The following MDGA2 variants were observed in gnomAD, a reference collection of about 807,000 sequenced individuals.
MDGA2 encodes the protein MAM domain-containing glycosylphosphatidylinositol anchor protein 2.
Under a neutral mutation model 117.8 loss-of-function variants are expected in MDGA2, and 40 were observed. That is an observed-to-expected ratio of 0.34 (90% confidence interval 0.26 to 0.44). MDGA2 has a LOEUF of 0.44. Among genes scored for constraint, MDGA2 ranks in the 20% least tolerant of loss-of-function variants. The probability of loss-of-function intolerance (pLI) is 1.00; values close to 1 mark genes in which losing one functional copy is unlikely to be tolerated. For missense variants in MDGA2, 1,123 were observed against 1,250.6 expected (o/e 0.90, Z 1.54); for synonymous variants, 452 against 439.0 (o/e 1.03, Z -0.37).
At chr14:47,516,485 A>C (rs1172670076) in intron 1 of MDGA2, among the ~76,000 whole-genome samples, 1 of 152,206 alleles carries the variant, frequency 6.6e-6, no homozygotes, top group Non-Finnish European at 1.5e-5. Context: ...TGATTAATAG[A>C]CTTGAATATA....
intron 1 of MDGA2, among the ~76,000 whole-genome samples, chr14:47,659,826 G>A (rs1419923190): frequency 6.6e-6 from 1 of 152,170 alleles, no homozygotes; most frequent in Non-Finnish European, 1.5e-5. Flanking sequence ...AAACTCTTAT[G>A]AACTTGGATT....
At chr14:47,265,550 TGAAGTTCATGGA>T (rs1415434200) in intron 2 of MDGA2, among the ~76,000 whole-genome samples, 1 of 152,060 alleles carries the variant, frequency 6.6e-6, no homozygotes, top group Non-Finnish European at 1.5e-5. Flanking sequence ...TTATTTGCTT[TGAAGTTCATGGA>T]GAAGACCCTA....
At position 47,514,401 on chromosome 14, in the gene MDGA2, C is replaced by T. The variant is rs78489330; in HGVS notation, c.280+160116G>A. Among the ~76,000 whole-genome samples the T allele has an allele frequency of 4.6e-3, 696 of 152,150 alleles. 5 individuals carry two copies. The highest frequency in any genetic ancestry group is 0.016 in the African/African-American group (647 of 41,534). ...AAGCCACTCTAGACTAAAATTAACT[C>T]CTGGAATTCTGCCCTTTGAGTTTTC... is the stretch of plus-strand genomic sequence containing the variant. On this transcript the variant is annotated intron_variant, in intron 1 of 16. Transcript: ENST00000399232.
At chr14:47,337,800 A>C (rs1360839936) in intron 1 of MDGA2, among the ~76,000 whole-genome samples, 1 of 152,072 alleles carries the variant, frequency 6.6e-6, no homozygotes, top group Admixed American at 6.6e-5. Flanking sequence ...ATATCACATG[A>C]CCAGACTGTG....
At chr14:47,123,950 A>AATGT (rs1881776176) in intron 5 of MDGA2, among the ~76,000 whole-genome samples, 1 of 152,110 alleles carries the variant, frequency 6.6e-6, no homozygotes, top group South Asian at 2.1e-4. Flanking sequence ...TTTAAACCTT[A>AATGT]TACTTTTGAA....
rs143598955 is a variant in MDGA2 at position 47,206,451 on chromosome 14, C to T, written c.595+11570G>A. ...ACAGAAAGAAAAAAAAATAGCCTGGCATGTTGGCACCTGCCTGTAGTCCCA... is the reference window on the plus strand; with the variant it reads ...ACAGAAAGAAAAAAAAATAGCCTGGTATGTTGGCACCTGCCTGTAGTCCCA... On this transcript the variant is annotated intron_variant, in intron 3 of 16. Transcript: ENST00000399232. Among the ~76,000 whole-genome samples the T allele has an allele frequency of 7.3e-3, 1,112 of 151,704 alleles. 16 individuals are homozygous for T. The highest frequency in any genetic ancestry group is 0.026 in the African/African-American group (1,066 of 41,406).
rs531317366 is a variant in MDGA2 at position 47,583,098 on chromosome 14, G to T, written c.280+91419C>A. Among the ~76,000 whole-genome samples, 7 of 152,006 alleles carry T rather than the reference G, an allele frequency of 4.6e-5. No homozygotes were observed. The South Asian group carries it at 1.2e-3, about 27-fold the overall frequency. On this transcript the variant is annotated intron_variant, in intron 1 of 16. Transcript: ENST00000399232. ...TTTTACTGGGAACACATAATGTATGGTTTTTGACACTGGAGAGAGATAAGT... is the reference window on the plus strand; with the variant it reads ...TTTTACTGGGAACACATAATGTATGTTTTTTGACACTGGAGAGAGATAAGT...
intron 1 of MDGA2, among the ~76,000 whole-genome samples, chr14:47,611,194 T>C (rs140705143): frequency 1.6e-3 from 250 of 152,276 alleles, no homozygotes; most frequent in African/African-American, 5.7e-3. Context: ...TCTCACCTTA[T>C]ATAAAAATCA....
Position 47,033,135 on chromosome 14 carries a change from T to C in MDGA2, c.1819+1876A>G, listed in dbSNP as rs115029669. ...GTTTATTGTCATTCCTATTATAGAG[T>C]TGAATTTTAAAATCTTATGCTGAAT... On this transcript the variant is annotated intron_variant, in intron 8 of 16. Coordinates refer to ENST00000399232, the MANE Select transcript of MDGA2 (RefSeq NM_001113498.3). Among the ~76,000 whole-genome samples the C allele has an allele frequency of 2.0e-3, 311 of 152,338 alleles. 1 individual carries two copies. The highest frequency in any genetic ancestry group is 9.8e-3 in the East Asian group (51 of 5,190).
chr14:47,573,454 A>T (rs2138825651), intron 1 of MDGA2, among the ~76,000 whole-genome samples: 1 of 152,330 alleles, frequency 6.6e-6, no homozygotes, highest in East Asian at 1.9e-4. Context: ...TTGCCATATC[A>T]CTAGACAGCA....
intron 1 of MDGA2, chr14:47,343,046 T>G: frequency 7.8e-7 from 1 of 1,282,516 alleles, no homozygotes; most frequent in Non-Finnish European, 1.0e-6. Context: ...AGCACTACCG[T>G]GAGTCCTGCG....
intron 1 of MDGA2, among the ~76,000 whole-genome samples, chr14:47,458,094 A>C (rs60733487): frequency 1.3e-3 from 191 of 151,624 alleles, no homozygotes; most frequent in African/African-American, 4.4e-3. Context: ...GTCTTCTTTG[A>C]GAAAATGTCT....
chr14:47,597,288 A>C (rs932672633), intron 1 of MDGA2, among the ~76,000 whole-genome samples: 1 of 152,202 alleles, frequency 6.6e-6, no homozygotes, highest in Non-Finnish European at 1.5e-5. Context: ...TATATGAAGT[A>C]ATCTATCCAA....
intron 3 of MDGA2, among the ~76,000 whole-genome samples, chr14:47,145,827 TTAA>T (rs1202439420): frequency 6.6e-6 from 1 of 152,160 alleles, no homozygotes; most frequent in African/African-American, 2.4e-5. Context: ...ATTACTATTA[TTAA>T]TAATATTACT....
intron 1 of MDGA2, among the ~76,000 whole-genome samples, chr14:47,431,825 C>A (rs770265399): frequency 6.6e-6 from 1 of 151,990 alleles, no homozygotes; most frequent in South Asian, 2.1e-4. Flanking sequence ...GCAGTTCATG[C>A]TATACTTCAG....
At chr14:47,224,906 T>G (rs914496404) in intron 2 of MDGA2, among the ~76,000 whole-genome samples, 1 of 152,236 alleles carries the variant, frequency 6.6e-6, no homozygotes, top group African/African-American at 2.4e-5. Context: ...TTTGAATTAC[T>G]TATTAGAATA....
intron 8 of MDGA2, among the ~76,000 whole-genome samples, chr14:46,986,194 G>C (rs1474915800): frequency 6.6e-6 from 1 of 152,038 alleles, no homozygotes; most frequent in Non-Finnish European, 1.5e-5. Flanking sequence ...CAACATAACA[G>C]ATGGCACAAA....
At chr14:47,640,351 T>C (rs190424062) in intron 1 of MDGA2, among the ~76,000 whole-genome samples, 1 of 152,230 alleles carries the variant, frequency 6.6e-6, no homozygotes. Context: ...ATTATGCCAA[T>C]TCATGCCCTC....
chr14:47,044,743 G>T (rs528546137), intron 7 of MDGA2, among the ~76,000 whole-genome samples: 1 of 152,242 alleles, frequency 6.6e-6, no homozygotes, highest in South Asian at 2.1e-4. Context: ...TGAACAGGAA[G>T]AAAGCCCACA....
Sources: gnomAD v4.1 joint callset for allele counts (sites outside exome capture counted in the v4.1 genomes callset) on GRCh38, gnomAD v4.1.1 for gene constraint, MANE v1.5 for transcripts, NCBI Gene and HGNC (gene_info 2026-07-23, HGNC 2026-07-21) for gene names.